Variants in PNLIPRP1 observed in about 807,000 individuals in gnomAD.
PNLIPRP1 encodes the protein pancreatic lipase related protein 1.
In PNLIPRP1, 57 loss-of-function variants were observed where a neutral mutation model predicts 54.6. The ratio of observed to expected loss-of-function variants is 1.04; its 90% confidence interval spans 0.84 to 1.30. The LOEUF (loss-of-function observed/expected upper bound fraction) is 1.30. Among genes scored for constraint, PNLIPRP1 ranks in the 50% most tolerant of loss-of-function variants. The pLI, the probability that PNLIPRP1 is intolerant of heterozygous loss-of-function variation, is 0.00. For missense variants in PNLIPRP1, 567 were observed against 568.5 expected (o/e 1.00, Z 0.03); for synonymous variants, 232 against 208.8 (o/e 1.11, Z -0.96).
chr10:116,598,157 A>T lies in PNLIPRP1; in HGVS notation c.805A>T (p.Ile269Phe), dbSNP rs781804452. 2 of 1,613,488 alleles carry T rather than the reference A, an allele frequency of 1.2e-6. No homozygotes were observed. Among genetic ancestry groups the T allele is most frequent in the Non-Finnish European group, 1.7e-6 (2 of 1,179,814 alleles). The change falls in exon 8 of 13, where the codon ATC becomes TTC. Residue 269 changes from isoleucine (I) to phenylalanine (F), a missense_variant. Physicochemically the swap from Ile to Phe is conservative, Grantham distance 21. Coordinates refer to ENST00000358834, the MANE Select transcript of PNLIPRP1 (RefSeq NM_006229.4). ...ALSQIVDLDG[I>F]WAGTRDFVAC... ...GTCTCAGATCGTGGATCTAGATGGC[A>T]TCTGGGCGGGTAAAGTCATGGTGGG...
intron 10 of PNLIPRP1, among the ~76,000 whole-genome samples, chr10:116,603,288 G>T (rs1847881511): frequency 1.3e-5 from 2 of 152,136 alleles, no homozygotes; most frequent in African/African-American, 4.8e-5. Flanking sequence ...GTGGAGACAA[G>T]CCCCTATTCC....
intron 6 of PNLIPRP1, among the ~76,000 whole-genome samples, chr10:116,597,519 G>C (rs1412859197): frequency 6.6e-6 from 1 of 152,186 alleles, no homozygotes; most frequent in Non-Finnish European, 1.5e-5. Flanking sequence ...GGGAGAGAAA[G>C]GATGATGAAG....
intron 10 of PNLIPRP1, among the ~76,000 whole-genome samples, chr10:116,602,241 G>C (rs890572573): frequency 6.6e-6 from 1 of 152,010 alleles, no homozygotes; most frequent in African/African-American, 2.4e-5. Context: ...GGATGGTCTC[G>C]ATCTCCTGAC....
chr10:116,597,803 C>G lies in PNLIPRP1; in HGVS notation c.575-25C>G, dbSNP rs782138745. On this transcript the variant is annotated intron_variant, in intron 6 of 12. Transcript: ENST00000358834. ...GACATCTACAGTCAGGTCTATTGTT[C>G]TGCAGTGCTGATCATCTCTTTTAGG... is the stretch of plus-strand genomic sequence containing the variant. 21 of 1,613,970 alleles carry G rather than the reference C, an allele frequency of 1.3e-5. No homozygotes were observed. The South Asian group carries it at 2.3e-4, about 18-fold the overall frequency.
chr10:116,607,207 C>G (rs779244522), intron 12 of PNLIPRP1, among the ~76,000 whole-genome samples: 2 of 151,758 alleles, frequency 1.3e-5, no homozygotes, highest in African/African-American at 4.8e-5. Context: ...AGCCCTCCCC[C>G]TCTTTATTTC....
chr10:116,608,020 T>C (rs772928125), intron 12 of PNLIPRP1, among the ~76,000 whole-genome samples: 2 of 152,090 alleles, frequency 1.3e-5, no homozygotes, highest in Non-Finnish European at 2.9e-5. Context: ...CACGCCCGGC[T>C]AATTTTTGTA....
intron 11 of PNLIPRP1, among the ~76,000 whole-genome samples, chr10:116,604,579 C>T (rs375235378): frequency 6.6e-6 from 1 of 152,034 alleles, no homozygotes; most frequent in East Asian, 1.9e-4. Flanking sequence ...CATTGTTAAG[C>T]AACGCAGGAC....
At chr10:116,596,961 T>C (rs1211946835) in intron 6 of PNLIPRP1, among the ~76,000 whole-genome samples, 1 of 152,166 alleles carries the variant, frequency 6.6e-6, no homozygotes, top group African/African-American at 2.4e-5. Flanking sequence ...TTTTCTTATA[T>C]AATTCTCAGA....
intron 4 of PNLIPRP1, chr10:116,594,207 C>T (rs1847692901): frequency 2.5e-6 from 1 of 402,638 alleles, no homozygotes; most frequent in Non-Finnish European, 4.8e-6. Flanking sequence ...TCTTCAATCT[C>T]TTTTAAATCA....
chr10:116,602,299 G>A (rs992485365), intron 10 of PNLIPRP1, among the ~76,000 whole-genome samples: 29 of 151,952 alleles, frequency 1.9e-4, no homozygotes, highest in African/African-American at 5.6e-4. Flanking sequence ...GATTACAGGC[G>A]TGAGCCACCG....
chr10:116,608,780 G>A (rs1215674538), intron 12 of PNLIPRP1, among the ~76,000 whole-genome samples: 2 of 152,214 alleles, frequency 1.3e-5, no homozygotes, highest in Non-Finnish European at 2.9e-5. Context: ...ACAAGGAGGT[G>A]AGAGTCCCTG....
At chr10:116,608,316 T>G (rs1167983191) in intron 12 of PNLIPRP1, among the ~76,000 whole-genome samples, 2 of 152,154 alleles carry the variant, frequency 1.3e-5, no homozygotes, top group African/African-American at 4.8e-5. Flanking sequence ...AGTTACTAAC[T>G]ACATCCTTCC....
intron 4 of PNLIPRP1, among the ~76,000 whole-genome samples, chr10:116,593,538 C>T (rs1190976890): frequency 6.6e-6 from 1 of 152,178 alleles, no homozygotes; most frequent in Non-Finnish European, 1.5e-5. Context: ...CTGCACTTGC[C>T]CTTGGTTTAA....
chr10:116,602,109 G>A (rs993594851), intron 10 of PNLIPRP1, among the ~76,000 whole-genome samples: 2 of 150,214 alleles, frequency 1.3e-5, no homozygotes, highest in East Asian at 2.0e-4. Context: ...TCCCCCTCCC[G>A]GGTTCACGCC....
In PNLIPRP1 at chr10:116,595,877, C is replaced by T. The variant is rs187885401; in HGVS notation, c.466-337C>T. On this transcript the variant is annotated intron_variant, in intron 5 of 12. Coordinates refer to ENST00000358834, the MANE Select transcript of PNLIPRP1 (RefSeq NM_006229.4). ...TTAAGGAGGTCTCCCAAGGAAGAGA[C>T]GTCTAAATTGACAGCTGAAGGCTAG... 1.1e-3 allele frequency: 232 copies of T among 210,562 alleles called. 1 individual carries two copies. The highest frequency in any genetic ancestry group is 4.3e-3 in the African/African-American group (186 of 43,510). The allele number at this position is 210,562 out of a possible 1,614,324, so 13.0% of individuals were successfully genotyped here.
chr10:116,593,123 G>A (rs1329940052), intron 4 of PNLIPRP1: 1 of 155,750 alleles, frequency 6.4e-6, no homozygotes, highest in Admixed American at 6.4e-5. Flanking sequence ...AGCCAATATT[G>A]TGCCACTACA....
intron 1 of PNLIPRP1, 62 bp from the exon 2 acceptor site, chr10:116,591,068 C>T (rs563082158): frequency 1.8e-5 from 24 of 1,319,546 alleles, no homozygotes; most frequent in East Asian, 4.6e-5. Context: ...AAGTCCAGGG[C>T]GTCGGTGCTC....
At chr10:116,602,799 G>C (rs1024357249) in intron 10 of PNLIPRP1, among the ~76,000 whole-genome samples, 6 of 152,194 alleles carry the variant, frequency 3.9e-5, no homozygotes, top group Non-Finnish European at 7.3e-5. Context: ...GTTTATATAC[G>C]TATGTATATG....
rs782692449 is a variant in PNLIPRP1, at chr10:116,597,973, G to A, written c.694+26G>A. 6 of 1,614,014 alleles carry A rather than the reference G, an allele frequency of 3.7e-6. No individual in the cohort carries two copies. The Admixed American group carries it at 5.0e-5, about 13-fold the overall frequency. ...GTGAGACCTATGATGCTCCAGCTGT[G>A]AGCACGCACAACTGTGTTTTAACCA... is the stretch of plus-strand genomic sequence containing the variant. On this transcript the variant is annotated intron_variant, in intron 7 of 12. Coordinates refer to ENST00000358834, the MANE Select transcript of PNLIPRP1 (RefSeq NM_006229.4).
Sources: gnomAD v4.1 joint callset for allele counts (sites outside exome capture counted in the v4.1 genomes callset) on GRCh38, gnomAD v4.1.1 for gene constraint, MANE v1.5 for transcripts, NCBI Gene and HGNC (gene_info 2026-07-23, HGNC 2026-07-21) for gene names.